Variants in FHOD3 observed in about 807,000 individuals in gnomAD.
FHOD3 encodes the protein formin homology 2 domain containing 3, also known as FH1/FH2 domain-containing protein 3.
In FHOD3, 90 loss-of-function variants were observed where a neutral mutation model predicts 173.0. That is an observed-to-expected ratio of 0.52 (90% CI 0.44 to 0.62). The LOEUF (loss-of-function observed/expected upper bound fraction) is 0.62. Ranked by LOEUF, FHOD3 falls within the 20% of genes least tolerant of loss-of-function variation. FHOD3 has a pLI of 0.00. For missense variants in FHOD3, 1,945 were observed against 2,034.7 expected (o/e 0.96, Z 0.85); for synonymous variants, 828 against 823.0 (o/e 1.01, Z -0.10).
At chr18:36,657,104 C>T (rs774091450) in intron 13 of FHOD3, among the ~76,000 whole-genome samples, 2 of 152,116 alleles carry the variant, frequency 1.3e-5, no homozygotes, top group Non-Finnish European at 2.9e-5. Context: ...TGTTGATGGG[C>T]GTTTGGACTG....
At chr18:36,611,591 G>T (rs2148617818) in intron 8 of FHOD3, among the ~76,000 whole-genome samples, 1 of 152,308 alleles carries the variant, frequency 6.6e-6, no homozygotes, top group African/African-American at 2.4e-5. Flanking sequence ...ACCTAGGAGA[G>T]TCACCCCTTC....
intron 5 of FHOD3, among the ~76,000 whole-genome samples, chr18:36,515,567 G>T (rs2146419603): frequency 6.6e-6 from 1 of 152,292 alleles, no homozygotes; most frequent in South Asian, 2.1e-4. Context: ...GGTGCCAGAG[G>T]CAATTCCCGA....
intron 3 of FHOD3, among the ~76,000 whole-genome samples, chr18:36,480,507 A>C (rs2053824603): frequency 6.6e-6 from 1 of 152,202 alleles, no homozygotes; most frequent in African/African-American, 2.4e-5. Flanking sequence ...CTACACCTTC[A>C]AGGGCATTAT....
chr18:36,481,566 G>C (rs1377164358), intron 3 of FHOD3, among the ~76,000 whole-genome samples: 2 of 151,880 alleles, frequency 1.3e-5, no homozygotes, highest in Non-Finnish European at 2.9e-5. Context: ...TTCTGAAAAC[G>C]GGGACATTTG....
At chr18:36,681,104 A>G (rs528540452) in intron 14 of FHOD3, among the ~76,000 whole-genome samples, 12 of 152,158 alleles carry the variant, frequency 7.9e-5, no homozygotes, top group South Asian at 4.1e-4. Flanking sequence ...CTTAACATAG[A>G]CCAACTGTAA....
chr18:36,517,889 C>T lies in FHOD3; in HGVS notation c.511+5346C>T, dbSNP rs532683545. Reference sequence around the variant, plus strand: ...ACTATAGTCCACTATAGGAAAAAATCCTCAAATGCCATTCATATTAGGGGA... The same window carrying T: ...ACTATAGTCCACTATAGGAAAAAATTCTCAAATGCCATTCATATTAGGGGA... On this transcript the variant is annotated intron_variant, in intron 5 of 28. Coordinates refer to ENST00000590592, the MANE Select transcript of FHOD3 (RefSeq NM_001281740.3). 4.6e-5 allele frequency among the ~76,000 whole-genome samples: 7 copies of T among 152,168 alleles called. No homozygotes were observed. In the East Asian group the frequency reaches 1.4e-3, roughly 29 times the overall value.
chr18:36,648,392 TGACAGGACTTAGAGACCAGAGAAAGA>T (rs1387714872), intron 10 of FHOD3, among the ~76,000 whole-genome samples: 2 of 152,206 alleles, frequency 1.3e-5, no homozygotes, highest in Non-Finnish European at 2.9e-5. Flanking sequence ...AGTCGGTTGT[TGACAGGACTTAGAGACCAGAGAAAGA>T]GAATGTCCCA....
intron 3 of FHOD3, among the ~76,000 whole-genome samples, chr18:36,449,398 G>A (rs929611695): frequency 6.6e-6 from 1 of 152,174 alleles, no homozygotes; most frequent in Non-Finnish European, 1.5e-5. Context: ...CATCCATGCT[G>A]CATATGCCCT....
chr18:36,487,114 G>A (rs2054234025), intron 3 of FHOD3, among the ~76,000 whole-genome samples: 1 of 152,172 alleles, frequency 6.6e-6, no homozygotes. Flanking sequence ...ATGAACCTTG[G>A]TGAAATGTTT....
chr18:36,437,145 G>A (rs569335899), intron 3 of FHOD3, among the ~76,000 whole-genome samples: 2 of 152,026 alleles, frequency 1.3e-5, no homozygotes, highest in Admixed American at 1.3e-4. Context: ...TTGAGACAGG[G>A]TCTCACTCTG....
chr18:36,681,581 T>A lies in FHOD3; in HGVS notation c.1970+11T>A. The A allele has an allele frequency of 1.9e-6, 3 of 1,600,234 alleles. No individual in the cohort carries two copies. Among genetic ancestry groups the A allele is most frequent in the Non-Finnish European group, 2.6e-6 (3 of 1,176,288 alleles). On this transcript the variant is annotated intron_variant, in intron 15 of 28. Transcript: ENST00000590592. Reference sequence around the variant, plus strand: ...AAGAAACAAATTCAGGTAAGAAGGATCTTAAGATTTTTTTTAAATAGTGAG... The same window carrying A: ...AAGAAACAAATTCAGGTAAGAAGGAACTTAAGATTTTTTTTAAATAGTGAG...
chr18:36,551,480 AT>A (rs1483513683), intron 5 of FHOD3, among the ~76,000 whole-genome samples: 2 of 151,762 alleles, frequency 1.3e-5, no homozygotes, highest in Non-Finnish European at 2.9e-5. Context: ...TATTTAATTA[AT>A]TAATTTAATT....
At chr18:36,758,789 C>G (rs1013299890) in intron 25 of FHOD3, among the ~76,000 whole-genome samples, 4 of 152,208 alleles carry the variant, frequency 2.6e-5, no homozygotes, top group Non-Finnish European at 5.9e-5. Context: ...ACTCTCAGCA[C>G]GATGCACAGC....
chr18:36,617,324 A>G (rs1452476157), intron 9 of FHOD3, among the ~76,000 whole-genome samples: 2 of 152,136 alleles, frequency 1.3e-5, no homozygotes, highest in African/African-American at 4.8e-5. Flanking sequence ...CTGCCCCTAA[A>G]CAATGTATTA....
intron 5 of FHOD3, among the ~76,000 whole-genome samples, chr18:36,552,755 C>T (rs140960616): frequency 0.012 from 1,838 of 152,208 alleles, 43 homozygotes; most frequent in African/African-American, 0.041. Flanking sequence ...GCCTCGGCCT[C>T]CCAAAGTGCT....
intron 3 of FHOD3, among the ~76,000 whole-genome samples, chr18:36,456,601 T>G (rs566107507): frequency 1.5e-4 from 23 of 152,192 alleles, no homozygotes; most frequent in Middle Eastern, 3.4e-3. Context: ...CTAGGTGTTC[T>G]TGGGGTACTA....
At chr18:36,639,385 A>G (rs1293695270) in intron 10 of FHOD3, among the ~76,000 whole-genome samples, 1 of 152,100 alleles carries the variant, frequency 6.6e-6, no homozygotes, top group Non-Finnish European at 1.5e-5. Flanking sequence ...CTAAAAATAC[A>G]AAAAAGGCAG....
intron 3 of FHOD3, among the ~76,000 whole-genome samples, chr18:36,445,901 C>T (rs2051442666): frequency 6.6e-6 from 1 of 152,162 alleles, no homozygotes; most frequent in South Asian, 2.1e-4. Flanking sequence ...GCGGAAGTTG[C>T]CATTTTCTTC....
intron 13 of FHOD3, among the ~76,000 whole-genome samples, chr18:36,655,022 A>C (rs966550500): frequency 6.7e-6 from 1 of 149,182 alleles, no homozygotes; most frequent in Non-Finnish European, 1.5e-5. Flanking sequence ...TACCTCCAGG[A>C]GTTGTGAACT....
Sources: allele counts gnomAD v4.1 joint callset (sites outside exome capture counted in the v4.1 genomes callset), GRCh38; gene constraint gnomAD v4.1.1; transcripts MANE v1.5; gene names NCBI Gene and HGNC (gene_info 2026-07-23, HGNC 2026-07-21).